Variants in TAFA1 observed in about 807,000 individuals in gnomAD.
The protein encoded by TAFA1 is chemokine-like protein TAFA-1.
A neutral mutation model predicts 18.5 loss-of-function variants in TAFA1; 4 were observed. That is an observed-to-expected ratio of 0.22 (90% confidence interval 0.11 to 0.49). TAFA1 has a LOEUF of 0.49. Among genes scored for constraint, TAFA1 ranks in the 20% least tolerant of loss-of-function variants. The pLI is 0.98. For missense variants in TAFA1, 147 were observed against 169.0 expected, an observed-to-expected ratio of 0.87 and a Z score of 0.72; for synonymous variants, 56 against 55.2, an observed-to-expected ratio of 1.01 and a Z score of -0.06.
At chr3:68,323,901 T>C (rs1192577525) in intron 2 of TAFA1, among the ~76,000 whole-genome samples, 1 of 152,174 alleles carries the variant, frequency 6.6e-6, no homozygotes, top group East Asian at 1.9e-4. Flanking sequence ...TGTCTATGTG[T>C]CTCTGGTAAA....
At chr3:68,339,846 G>A (rs904661158) in intron 2 of TAFA1, among the ~76,000 whole-genome samples, 3 of 152,124 alleles carry the variant, frequency 2.0e-5, no homozygotes, top group Non-Finnish European at 4.4e-5. Flanking sequence ...GATTTGTACT[G>A]TTCACCGATT....
chr3:68,248,013 T>G (rs1298070030), intron 2 of TAFA1, among the ~76,000 whole-genome samples: 1 of 152,220 alleles, frequency 6.6e-6, no homozygotes, highest in Non-Finnish European at 1.5e-5. Context: ...GAACCACTGT[T>G]GGCTAAAAGG....
At chr3:68,325,590 G>A (rs1575778422) in intron 2 of TAFA1, among the ~76,000 whole-genome samples, 1 of 152,024 alleles carries the variant, frequency 6.6e-6, no homozygotes, top group African/African-American at 2.4e-5. Context: ...ATGTTACATA[G>A]GCATATCAAA....
At chr3:68,330,909 G>T (rs189013947) in intron 2 of TAFA1, among the ~76,000 whole-genome samples, 1 of 150,654 alleles carries the variant, frequency 6.6e-6, no homozygotes, top group East Asian at 1.9e-4. Flanking sequence ...TTTCATATGT[G>T]TTTTTTTTTC....
intron 2 of TAFA1, among the ~76,000 whole-genome samples, chr3:68,100,475 T>C (rs1048172973): frequency 5.9e-5 from 9 of 152,076 alleles, no homozygotes; most frequent in Non-Finnish European, 1.3e-4. Context: ...TGGTTTAGCA[T>C]GGGACTGTCA....
intron 2 of TAFA1, among the ~76,000 whole-genome samples, chr3:68,047,750 A>G (rs2064407761): frequency 6.6e-6 from 1 of 152,192 alleles, no homozygotes; most frequent in Non-Finnish European, 1.5e-5. Flanking sequence ...ATAATCACCC[A>G]ATAGACACAA....
Position 68,417,281 on chromosome 3 carries a change from A to C in TAFA1, c.120A>C (p.Glu40Asp), listed in dbSNP as rs761593599. The change falls in exon 3 of 5, where the codon GAA becomes GAC. Residue 40 changes from glutamate (E) to aspartate (D), a missense_variant and splice_region_variant. Transcript: ENST00000478136. ...TCCCTGTTCTTTCTCTCTTGCCAGA[A>C]GGAGGGACGTGTGAAGTGATAGCAG... ...TFQQHHLHRP[E>D]GGTCEVIAAH... 4 of 1,612,576 alleles carry C rather than the reference A, an allele frequency of 2.5e-6. No homozygotes were observed. Among genetic ancestry groups the C allele is most frequent in the Non-Finnish European group, 2.5e-6 (3 of 1,179,204 alleles).
chr3:68,220,227 A>G lies in TAFA1; in HGVS notation c.119-197053A>G, dbSNP rs990587977. Among the ~76,000 whole-genome samples the G allele has an allele frequency of 4.6e-5, 7 of 152,164 alleles. No homozygotes were observed. The East Asian group carries it at 9.7e-4, about 21-fold the overall frequency. ...TGATCACTGAGATAGATGTCCTCAA[A>G]TACTTTTTAATTTTGTAACAAAGAT... On this transcript the variant is annotated intron_variant, in intron 2 of 4. Coordinates refer to ENST00000478136, the MANE Select transcript of TAFA1 (RefSeq NM_213609.4).
chr3:68,483,891 T>C (rs2106663339), intron 3 of TAFA1, among the ~76,000 whole-genome samples: 1 of 152,348 alleles, frequency 6.6e-6, no homozygotes, highest in South Asian at 2.1e-4. Context: ...TATAGCTCTT[T>C]AGACTGAGGT....
chr3:67,997,008 G>A, the TAFA1 span, among the ~76,000 whole-genome samples: 1 of 151,982 alleles, frequency 6.6e-6, no homozygotes, highest in Non-Finnish European at 1.5e-5. Context: ...GACTTGGGAG[G>A]CCAAGAGAAA....
At chr3:68,493,276 G>A (rs948099368) in intron 3 of TAFA1, among the ~76,000 whole-genome samples, 1 of 152,094 alleles carries the variant, frequency 6.6e-6, no homozygotes, top group African/African-American at 2.4e-5. Context: ...ATTTCACTTA[G>A]CATAAAGTCC....
chr3:68,287,365 A>G (rs1459881148), intron 2 of TAFA1, among the ~76,000 whole-genome samples: 1 of 152,176 alleles, frequency 6.6e-6, no homozygotes, highest in Non-Finnish European at 1.5e-5. Context: ...TTTTAATGTC[A>G]GCTGTTCTGC....
chr3:68,544,505 A>C lies in TAFA1; in HGVS notation c.*2A>C, dbSNP rs374889915. 6.8e-6 allele frequency: 11 copies of C among 1,612,474 alleles called. No individual in the cohort carries two copies. The African/African-American group carries it at 1.5e-4, about 22-fold the overall frequency. On this transcript the variant is annotated 3_prime_UTR_variant, in exon 5 of 5. Transcript: ENST00000478136. ...TTTCAGATTCACCCAAGAACCTAAC[A>C]GAAGCATTTGTGGTAGTAAAGGAAA...
At chr3:68,412,983 A>C (rs1401546971) in intron 2 of TAFA1, among the ~76,000 whole-genome samples, 2 of 151,822 alleles carry the variant, frequency 1.3e-5, no homozygotes, top group African/African-American at 4.8e-5. Flanking sequence ...ACTAGTTTAC[A>C]GTCCCACCAA....
chr3:68,133,809 G>T, intron 2 of TAFA1, among the ~76,000 whole-genome samples: 1 of 151,928 alleles, frequency 6.6e-6, no homozygotes, highest in East Asian at 1.9e-4. Context: ...GGATGCCAAA[G>T]TGGCAGAGGA....
chr3:68,138,698 C>T (rs983971997), intron 2 of TAFA1, among the ~76,000 whole-genome samples: 1 of 152,120 alleles, frequency 6.6e-6, no homozygotes, highest in Admixed American at 6.6e-5. Context: ...ATGGAAACTC[C>T]GTCTACATGA....
At chr3:68,154,512 A>C (rs1021476232) in intron 2 of TAFA1, among the ~76,000 whole-genome samples, 5 of 152,168 alleles carry the variant, frequency 3.3e-5, no homozygotes, top group Admixed American at 6.5e-5. Flanking sequence ...GAGCCTCTTT[A>C]GCTTATAATA....
chr3:68,493,230 G>T (rs74808870), intron 3 of TAFA1, among the ~76,000 whole-genome samples: 1 of 151,942 alleles, frequency 6.6e-6, no homozygotes, highest in African/African-American at 2.4e-5. Flanking sequence ...AAATATAAGC[G>T]GAATCATACT....
At chr3:68,331,386 G>C (rs1271842908) in intron 2 of TAFA1, among the ~76,000 whole-genome samples, 4 of 152,114 alleles carry the variant, frequency 2.6e-5, no homozygotes, top group Admixed American at 1.3e-4. Context: ...GCATCACTGT[G>C]AATGTACTAA....
Sources: allele counts gnomAD v4.1 joint callset (sites outside exome capture counted in the v4.1 genomes callset), GRCh38; gene constraint gnomAD v4.1.1; transcripts MANE v1.5; gene names NCBI Gene and HGNC (gene_info 2026-07-23, HGNC 2026-07-21).